Variants in WIPF3 observed in about 807,000 individuals in gnomAD.
WIPF3 encodes the protein WAS/WASL-interacting protein family member 3.
In WIPF3, 33 loss-of-function variants were observed where a neutral mutation model predicts 38.9. That is an observed-to-expected ratio of 0.85 (90% CI 0.64 to 1.14). The LOEUF is 1.14. WIPF3 is among the 50% of genes most tolerant of loss of function. WIPF3 has a pLI of 0.00. For missense variants in WIPF3, 711 were observed against 652.5 expected, an observed-to-expected ratio of 1.09 and a Z score of -0.98; for synonymous variants, 324 against 269.3, an observed-to-expected ratio of 1.20 and a Z score of -1.99.
At chr7:29,891,684 G>A (rs950391849) in intron 7 of WIPF3, among the ~76,000 whole-genome samples, 2 of 152,166 alleles carry the variant, frequency 1.3e-5, no homozygotes, top group Admixed American at 1.3e-4. Context: ...GCACCCTGTA[G>A]GCACCAGAGG....
chr7:29,906,313 C>T (rs546529651), intron 8 of WIPF3: 10 of 151,940 alleles, frequency 6.6e-5, no homozygotes, highest in African/African-American at 1.7e-4. Context: ...AGTCAAGAAA[C>T]GGATGTATGA....
chr7:29,889,807 G>C (rs958404128), intron 7 of WIPF3, among the ~76,000 whole-genome samples: 12 of 152,334 alleles, frequency 7.9e-5, no homozygotes, highest in African/African-American at 2.9e-4. Flanking sequence ...CATGGAGAAT[G>C]TCCTCAGGTC....
At chr7:29,899,334 C>G (rs1464427888) in intron 7 of WIPF3, among the ~76,000 whole-genome samples, 2 of 152,238 alleles carry the variant, frequency 1.3e-5, no homozygotes, top group Non-Finnish European at 2.9e-5. Context: ...AAGACAGAAG[C>G]TCTTCCTGCC....
At position 29,839,935 on chromosome 7, in the gene WIPF3, T is replaced by A. The variant is rs546427324; in HGVS notation, c.90+5121T>A. On this transcript the variant is annotated intron_variant, in intron 2 of 8. Transcript: ENST00000242140. ...GAATTTTAAAAATTTTACTCAATTA[T>A]TATTACTATGTTCTGAGTTCTGTCA... Among the ~76,000 whole-genome samples, 451 of 152,326 alleles carry A rather than the reference T, an allele frequency of 3.0e-3. 5 individuals carry two copies. The highest frequency in any genetic ancestry group is 3.4e-4 in the Non-Finnish European group (23 of 68,030).
At chr7:29,853,290 C>A (rs1785134692) in intron 2 of WIPF3, among the ~76,000 whole-genome samples, 1 of 152,192 alleles carries the variant, frequency 6.6e-6, no homozygotes, top group South Asian at 2.1e-4. Context: ...TGGCAGAGTC[C>A]AACAGGCAGC....
At chr7:29,820,327 A>C (rs534062133) in intron 1 of WIPF3, among the ~76,000 whole-genome samples, 2 of 152,214 alleles carry the variant, frequency 1.3e-5, no homozygotes, top group East Asian at 3.9e-4. Context: ...TCTTTTACAC[A>C]GTATATAGTT....
chr7:29,827,834 G>A (rs1013747351), intron 1 of WIPF3, among the ~76,000 whole-genome samples: 11 of 152,170 alleles, frequency 7.2e-5, no homozygotes, highest in African/African-American at 2.2e-4. Context: ...TCACTCTGTC[G>A]CCCAGGCTGG....
At chr7:29,810,254 C>T (rs1253268353) in intron 1 of WIPF3, among the ~76,000 whole-genome samples, 6 of 152,226 alleles carry the variant, frequency 3.9e-5, no homozygotes, top group Middle Eastern at 3.2e-3. Flanking sequence ...GATCATGTTG[C>T]ACCCTGCTGT....
intron 2 of WIPF3, among the ~76,000 whole-genome samples, chr7:29,874,034 G>A (rs1240960007): frequency 6.6e-6 from 1 of 152,084 alleles, no homozygotes; most frequent in East Asian, 1.9e-4. Context: ...AGCCTGCTCA[G>A]CCTGAAAAAC....
At position 29,835,953 on chromosome 7, in the gene WIPF3, G is replaced by C. The variant is rs1049385428; in HGVS notation, c.90+1139G>C. 2.6e-5 allele frequency among the ~76,000 whole-genome samples: 4 copies of C among 152,288 alleles called. No homozygotes were observed. The East Asian group carries it at 7.7e-4, about 29-fold the overall frequency. On this transcript the variant is annotated intron_variant, in intron 2 of 8. Transcript: ENST00000242140. ...GGAGAGCCTGCGGCCCCTGCTGCAT[G>C]ACCACAGGCCCTGGTGAGGGTGAGA...
At chr7:29,834,885 T>C (rs1784776502) in intron 2 of WIPF3, 71 bp downstream of exon 2, 1 of 1,498,340 alleles carries the variant, frequency 6.7e-7, no homozygotes. Flanking sequence ...CAGAAGGTTT[T>C]AAATGTTCAG....
chr7:29,811,011 C>G (rs174919), intron 1 of WIPF3, among the ~76,000 whole-genome samples: 45,689 of 151,972 alleles, frequency 0.3, 8,033 homozygotes, highest in Middle Eastern at 0.46. Context: ...ACCTCAGCCT[C>G]CTGAGGAATT....
In WIPF3 at chr7:29,884,271, C is replaced by G; in HGVS notation, c.777C>G (p.Pro259=). 6.7e-7 allele frequency: 1 copy of G among 1,487,768 alleles called. No homozygotes were observed. Among genetic ancestry groups the G allele is most frequent in the Non-Finnish European group, 9.1e-7 (1 of 1,103,682 alleles). 92.2% of individuals were successfully genotyped at this position (1,487,768 alleles called of 1,614,324 possible). The part of the protein sequence containing the change: ...KPQLAPLHLP[P]IPPPLPLLPP... ...AGCTGGCTCCCTTGCACCTCCCGCCCATCCCGCCCCCGCTCCCTCTGCTCC... is the reference window on the plus strand; with the variant it reads ...AGCTGGCTCCCTTGCACCTCCCGCCGATCCCGCCCCCGCTCCCTCTGCTCC... The change falls in exon 5 of 9, where the codon CCC becomes CCG. Residue 259 remains proline, a synonymous_variant. Coordinates refer to ENST00000242140, the MANE Select transcript of WIPF3 (RefSeq NM_001080529.3).
chr7:29,910,821 T>G (rs999366030), intron 8 of WIPF3, among the ~76,000 whole-genome samples: 4 of 152,100 alleles, frequency 2.6e-5, no homozygotes, highest in African/African-American at 9.7e-5. Context: ...TGCCCAATGG[T>G]GAAAGACTGA....
chr7:29,884,030 C>T lies in WIPF3; in HGVS notation c.536C>T (p.Pro179Leu), dbSNP rs1335184981. 11 of 1,436,066 alleles carry T rather than the reference C, an allele frequency of 7.7e-6. No individual in the cohort carries two copies. The Admixed American group carries it at 2.3e-4, about 30-fold the overall frequency. 89.0% of individuals were successfully genotyped at this position (1,436,066 alleles called of 1,614,324 possible). The change falls in exon 5 of 9, where the codon CCA (proline) becomes CTA (leucine). Residue 179 changes from proline to leucine, a missense_variant. Transcript: ENST00000242140. ...GTGCCTGCCCCGCCCCCTCCCACCCCACCCCCTCCGCCTCCACCCTTACCC... is the reference window on the plus strand; with the variant it reads ...GTGCCTGCCCCGCCCCCTCCCACCCTACCCCCTCCGCCTCCACCCTTACCC... ...PNVPAPPPPT[P>L]PPPPPPLPPP...
At position 29,915,104 on chromosome 7, in the gene WIPF3, TTTG is replaced by T. The variant is rs1392947520; in HGVS notation, c.*589_*591del. ...TTTTTTTTTTTTTTTTTTTTTTTTT[TTTG>T]CTGCCTAATGTAATACATCACAAAG... On this transcript the variant is annotated 3_prime_UTR_variant, in exon 9 of 9. Coordinates refer to ENST00000242140, the MANE Select transcript of WIPF3 (RefSeq NM_001080529.3). 5 of 132,672 alleles carry T rather than the reference TTTG, an allele frequency of 3.8e-5. No individual in the cohort carries two copies. The East Asian group carries it at 1.0e-3, about 27-fold the overall frequency. The allele number at this position is 132,672 out of a possible 1,614,324, so 8.2% of individuals were successfully genotyped here.
At chr7:29,840,063 C>G (rs1175953155) in intron 2 of WIPF3, among the ~76,000 whole-genome samples, 1 of 152,246 alleles carries the variant, frequency 6.6e-6, no homozygotes, top group Non-Finnish European at 1.5e-5. Context: ...TATTTACAGC[C>G]TGGCCCCTTC....
chr7:29,820,088 G>GAA (rs776838673), intron 1 of WIPF3, among the ~76,000 whole-genome samples: 37 of 152,002 alleles, frequency 2.4e-4, no homozygotes, highest in Admixed American at 7.9e-4. Flanking sequence ...GACAGAGAGA[G>GAA]AACCCATAAA....
rs550631458 is a variant in WIPF3 at position 29,840,717 on chromosome 7, T to C, written c.90+5903T>C. Among the ~76,000 whole-genome samples, 11 of 152,242 alleles carry C rather than the reference T, an allele frequency of 7.2e-5. No homozygotes were observed. The South Asian group carries it at 2.3e-3, about 32-fold the overall frequency. Reference sequence around the variant, plus strand: ...GTTTAGGACCATCACAACAGGTGGATAGGATTTTGCAGTAGGGGAGAGAGA... The same window carrying C: ...GTTTAGGACCATCACAACAGGTGGACAGGATTTTGCAGTAGGGGAGAGAGA... On this transcript the variant is annotated intron_variant, in intron 2 of 8. Transcript: ENST00000242140.
Sources: gnomAD v4.1 joint callset for allele counts (sites outside exome capture counted in the v4.1 genomes callset) on GRCh38, gnomAD v4.1.1 for gene constraint, MANE v1.5 for transcripts, NCBI Gene and HGNC (gene_info 2026-07-23, HGNC 2026-07-21) for gene names.